The following ZFAND3 variants were observed in gnomAD, a reference collection of about 807,000 sequenced individuals.
The protein encoded by ZFAND3 is AN1-type zinc finger protein 3.
In ZFAND3, 10 loss-of-function variants were observed where a neutral mutation model predicts 29.6. That is an observed-to-expected ratio of 0.34 (90% CI 0.21 to 0.57). The LOEUF (loss-of-function observed/expected upper bound fraction) is 0.57, where lower values mean the gene tolerates loss of function less well. Among genes scored for constraint, ZFAND3 ranks in the 20% least tolerant of loss-of-function variants. The pLI is 0.86. For synonymous variants in ZFAND3, 128 were observed against 112.6 expected, an observed-to-expected ratio of 1.14 and a Z score of -0.87; for missense variants, 230 against 304.5, an observed-to-expected ratio of 0.76 and a Z score of 1.82.
intron 1 of ZFAND3, among the ~76,000 whole-genome samples, chr6:37,867,907 T>C (rs573963534): frequency 6.6e-6 from 1 of 152,358 alleles, no homozygotes; most frequent in South Asian, 2.1e-4. Flanking sequence ...ATTTAATATT[T>C]TTGACCGAGA....
intron 2 of ZFAND3, among the ~76,000 whole-genome samples, chr6:38,035,534 GTTTATA>G (rs898314824): frequency 9.2e-5 from 14 of 152,146 alleles, no homozygotes; most frequent in Admixed American, 7.2e-4. Context: ...TATCAATATT[GTTTATA>G]TTTAGACACT....
intron 1 of ZFAND3, among the ~76,000 whole-genome samples, chr6:37,836,917 T>C (rs1763978703): frequency 6.6e-6 from 1 of 152,226 alleles, no homozygotes; most frequent in African/African-American, 2.4e-5. Context: ...CAGCTTTTGT[T>C]TTTCTAGGAA....
intron 3 of ZFAND3, among the ~76,000 whole-genome samples, chr6:38,072,628 AT>A (rs1321986207): frequency 3.3e-5 from 5 of 152,226 alleles, no homozygotes; most frequent in Non-Finnish European, 7.4e-5. Flanking sequence ...AGCTTTATTT[AT>A]GACAAAAATG....
At chr6:37,950,130 C>T (rs571171220) in intron 2 of ZFAND3, among the ~76,000 whole-genome samples, 2 of 152,174 alleles carry the variant, frequency 1.3e-5, no homozygotes, top group East Asian at 1.9e-4. Context: ...TTTCTTTTGA[C>T]GTGCAGAAGC....
chr6:37,893,527 A>G (rs1765141145), intron 1 of ZFAND3, among the ~76,000 whole-genome samples: 1 of 151,330 alleles, frequency 6.6e-6, no homozygotes, highest in Non-Finnish European at 1.5e-5. Context: ...GTGATACTAT[A>G]CAATTTCAGG....
intron 4 of ZFAND3, among the ~76,000 whole-genome samples, chr6:38,103,452 C>T (rs1765140437): frequency 1.3e-5 from 1 of 75,436 alleles, no homozygotes; most frequent in Non-Finnish European, 2.8e-5. Flanking sequence ...TATATATATA[C>T]ACACATATAT....
chr6:38,126,744 A>G (rs147289664), intron 5 of ZFAND3, among the ~76,000 whole-genome samples: 27 of 152,312 alleles, frequency 1.8e-4, no homozygotes, highest in African/African-American at 6.5e-4. Context: ...CCATGTTTAC[A>G]AAAAGATTCA....
chr6:38,005,067 T>A (rs977636015), intron 2 of ZFAND3, among the ~76,000 whole-genome samples: 3 of 152,114 alleles, frequency 2.0e-5, no homozygotes, highest in Non-Finnish European at 2.9e-5. Context: ...TCTTCTTCAG[T>A]GAGATAATCA....
chr6:37,965,829 A>G (rs2127426401), intron 2 of ZFAND3, among the ~76,000 whole-genome samples: 1 of 152,254 alleles, frequency 6.6e-6, no homozygotes, highest in Middle Eastern at 3.4e-3. Flanking sequence ...TGGCATGATC[A>G]TGGCTCACTT....
chr6:37,998,470 C>A (rs1323246113), intron 2 of ZFAND3, among the ~76,000 whole-genome samples: 1 of 143,444 alleles, frequency 7.0e-6, no homozygotes, highest in African/African-American at 2.6e-5. Flanking sequence ...TAGGAGATCC[C>A]AGGATAGAAT....
chr6:38,135,981 A>T (rs893510524), intron 5 of ZFAND3, among the ~76,000 whole-genome samples: 4 of 152,184 alleles, frequency 2.6e-5, no homozygotes, highest in Non-Finnish European at 5.9e-5. Context: ...TCACAAGTAA[A>T]AAGAAATCCA....
intron 2 of ZFAND3, among the ~76,000 whole-genome samples, chr6:38,024,528 A>T (rs1763410591): frequency 6.6e-6 from 1 of 152,104 alleles, no homozygotes; most frequent in African/African-American, 2.4e-5. Context: ...TATTCACAAT[A>T]GCCAGTAGGT....
At chr6:38,148,363 G>C (rs1766152259) in intron 5 of ZFAND3, among the ~76,000 whole-genome samples, 2 of 152,214 alleles carry the variant, frequency 1.3e-5, no homozygotes, top group Admixed American at 1.3e-4. Flanking sequence ...TAATACCAGA[G>C]CTGCTGTCGT....
intron 5 of ZFAND3, among the ~76,000 whole-genome samples, chr6:38,150,566 T>G (rs1766200835): frequency 6.6e-6 from 1 of 152,184 alleles, no homozygotes; most frequent in Non-Finnish European, 1.5e-5. Flanking sequence ...ATCTTAGAAG[T>G]TAAGGCTATT....
At chr6:37,931,611 A>C (rs943384356) in intron 2 of ZFAND3, among the ~76,000 whole-genome samples, 1 of 152,014 alleles carries the variant, frequency 6.6e-6, no homozygotes, top group Non-Finnish European at 1.5e-5. Flanking sequence ...TAAGTCTTTT[A>C]ATGTGAAAGG....
Position 37,962,451 on chromosome 6 carries a change from C to T in ZFAND3, c.112+32452C>T, listed in dbSNP as rs528395776. ...TTTATTCAAATGGCAGGAAACCTTA[C>T]AAACCTAGAGAAAACTATCAATATC... On this transcript the variant is annotated intron_variant, in intron 2 of 5. Coordinates refer to ENST00000287218, the MANE Select transcript of ZFAND3 (RefSeq NM_021943.3). Among the ~76,000 whole-genome samples, 37 of 152,288 alleles carry T rather than the reference C, an allele frequency of 2.4e-4. 1 individual carries two copies. In the East Asian group the frequency reaches 4.2e-3, roughly 17 times the overall value.
chr6:37,970,719 T>C (rs1453928278), intron 2 of ZFAND3, among the ~76,000 whole-genome samples: 2 of 149,538 alleles, frequency 1.3e-5, no homozygotes, highest in Non-Finnish European at 3.0e-5. Flanking sequence ...CTGGCTAACA[T>C]GGTGAAACCC....
At chr6:38,065,538 C>G (rs1187346619) in intron 3 of ZFAND3, among the ~76,000 whole-genome samples, 1 of 152,160 alleles carries the variant, frequency 6.6e-6, no homozygotes, top group Non-Finnish European at 1.5e-5. Flanking sequence ...CTTCAAAGTT[C>G]TTTAGATGCG....
In ZFAND3 at chr6:38,036,071, C is replaced by G. The variant is rs1349128132; in HGVS notation, c.113-25522C>G. On this transcript the variant is annotated intron_variant, in intron 2 of 5. Transcript: ENST00000287218. ...TTCAGGGTCCCCTCTCTCCCAGACT[C>G]TTGAGTCTGTTCTCCCTGGCTAAAG... is the stretch of plus-strand genomic sequence containing the variant. Among the ~76,000 whole-genome samples, 5 of 152,192 alleles carry G rather than the reference C, an allele frequency of 3.3e-5. No individual in the cohort carries two copies. In the East Asian group the frequency reaches 9.6e-4, roughly 29 times the overall value.
Sources: allele counts gnomAD v4.1 joint callset (sites outside exome capture counted in the v4.1 genomes callset), GRCh38; gene constraint gnomAD v4.1.1; transcripts MANE v1.5; gene names NCBI Gene and HGNC (gene_info 2026-07-23, HGNC 2026-07-21).